The following GRM6 variants were observed in gnomAD, a reference collection of about 807,000 sequenced individuals.
GRM6 encodes the protein glutamate metabotropic receptor 6, also known as metabotropic glutamate receptor 6.
A neutral mutation model predicts 78.4 loss-of-function variants in GRM6; 73 were observed. That is an observed-to-expected ratio of 0.93 (90% CI 0.77 to 1.13). GRM6 has a LOEUF of 1.13. Ranked by LOEUF, GRM6 falls within the 50% of genes most tolerant of loss-of-function variation. The pLI is 0.00. For missense variants in GRM6, 1,251 were observed against 1,256.4 expected (o/e 1.00, Z 0.07); for synonymous variants, 580 against 555.0 (o/e 1.05, Z -0.63).
chr5:178,994,632 C>T lies in GRM6; in HGVS notation c.313G>A (p.Ala105Thr). 1 of 1,456,946 alleles carries T rather than the reference C, an allele frequency of 6.9e-7. No homozygotes were observed. The highest frequency in any genetic ancestry group is 1.5e-5 in the African/African-American group (1 of 67,940). 90.3% of individuals were successfully genotyped at this position (1,456,946 alleles called of 1,614,324 possible). ...LLDTCSRDTY[A>T]LEQALSFVQA... ...ACGAAGCTCAGCGCCTGCTCCAGCG[C>T]GTAGGTGTCCCGCGAGCAGGTGTCC... The change falls in exon 2 of 11, where the codon GCG becomes ACG. Residue 105 changes from alanine to threonine, a missense_variant. By Grantham distance (58) the Ala-to-Thr change is moderately conservative. Transcript: ENST00000517717.
intron 4 of GRM6, among the ~76,000 whole-genome samples, 197 bp from the exon 5 acceptor site, chr5:178,990,943 G>T (rs548128847): frequency 1.1e-4 from 17 of 152,274 alleles, no homozygotes; most frequent in Admixed American, 1.0e-3. Flanking sequence ...CACTTGCTCT[G>T]CCCACTGTAA....
rs1760438450 is a variant in GRM6 at position 178,983,142 on chromosome 5, G to A, written c.2204C>T (p.Pro735Leu). 6.2e-7 allele frequency: 1 copy of A among 1,613,864 alleles called. No individual in the cohort carries two copies. Among genetic ancestry groups the A allele is most frequent in the Non-Finnish European group, 8.5e-7 (1 of 1,179,964 alleles). Residue 735 changes from proline (P) to leucine (L), a missense_variant, in exon 10 of 11, where the codon CCC becomes CTC. Pro to Leu is a moderately conservative substitution (Grantham distance 98). Transcript: ENST00000517717. ...IDYEEQRTVD[P>L]EQARGVLKCD... Reference sequence around the variant, plus strand: ...CTTGAGCACCCCTCTGGCCTGCTCGGGGTCCACCGTCCGCTGTTCCTCATA... The same window carrying A: ...CTTGAGCACCCCTCTGGCCTGCTCGAGGTCCACCGTCCGCTGTTCCTCATA...
rs749461820 is a variant in GRM6 at position 178,990,640 on chromosome 5, C to T, written c.964G>A (p.Val322Met). ...KTSPILSLED[V>M]AVGAITILPK... ...AGGATGGTGATGGCCCCAACGGCCA[C>T]GTCCTCCAGGCTCAAGATGGGTGAG... is the stretch of plus-strand genomic sequence containing the variant. Residue 322 changes from valine to methionine, a missense_variant, in exon 5 of 11, where the codon GTG becomes ATG. Transcript: ENST00000517717. 42 of 1,612,386 alleles carry T rather than the reference C, an allele frequency of 2.6e-5. No homozygotes were observed. The highest frequency in any genetic ancestry group is 2.0e-4 in the South Asian group (18 of 90,748).
At chr5:178,984,616 G>A (rs1760472390) in intron 9 of GRM6, among the ~76,000 whole-genome samples, 1 of 152,140 alleles carries the variant, frequency 6.6e-6, no homozygotes, top group Non-Finnish European at 1.5e-5. Flanking sequence ...GAGGGTGGGG[G>A]AGCAGGAGCA....
intron 9 of GRM6, chr5:178,985,689 C>A (rs578055233): frequency 1.6e-5 from 6 of 386,260 alleles, no homozygotes; most frequent in South Asian, 3.6e-5. Flanking sequence ...GGCGACACAG[C>A]GAGACTCTGT....
At chr5:178,983,974 A>G (rs1049407679) in intron 9 of GRM6, among the ~76,000 whole-genome samples, 6 of 152,220 alleles carry the variant, frequency 3.9e-5, no homozygotes, top group Admixed American at 3.3e-4. Flanking sequence ...CATGCCGAGC[A>G]CCTGGAGCAG....
chr5:178,994,183 G>C (rs570036127), intron 2 of GRM6, among the ~76,000 whole-genome samples: 3 of 152,322 alleles, frequency 2.0e-5, no homozygotes, highest in Admixed American at 2.0e-4. Context: ...CCAGCCAACC[G>C]GCCAGAGGCG....
intron 5 of GRM6, 144 bp from the exon 6 acceptor site, chr5:178,989,549 G>C: frequency 1.9e-6 from 2 of 1,028,612 alleles, no homozygotes; most frequent in African/African-American, 1.6e-5. Context: ...GGCCAGGTGA[G>C]CTAGGAGTGG....
chr5:178,985,715 C>T (rs11950921), intron 9 of GRM6: 1 of 383,942 alleles, frequency 2.6e-6, no homozygotes, highest in South Asian at 1.9e-5. Flanking sequence ...AAAAAAAAAA[C>T]AAAACAACAC....
rs1331883642 is a variant in GRM6 at position 178,994,467 on chromosome 5, C to T, written c.478G>A (p.Val160Ile). The change falls in exon 2 of 11, where the codon GTC becomes ATC. Residue 160 changes from valine (V) to isoleucine (I), a missense_variant. Coordinates refer to ENST00000517717, the MANE Select transcript of GRM6 (RefSeq NM_000843.4). ...GCAAACAGGCGCAGCACGTTGGCGA[C>T]CATGATGGAGACGGAGCTGGCCGAG... Reference protein sequence around the residue: ...GASASSVSIMVANVLRLFAIP... With the variant: ...GASASSVSIMIANVLRLFAIP... The T allele has an allele frequency of 6.7e-7, 1 of 1,486,644 alleles. No individual in the cohort carries two copies. Among genetic ancestry groups the T allele is most frequent in the East Asian group, 2.9e-5 (1 of 34,696 alleles). The allele number at this position is 1,486,644 out of a possible 1,614,324, so 92.1% of individuals were successfully genotyped here.
In GRM6 at chr5:178,991,156, T is replaced by C. The variant is rs138304513; in HGVS notation, c.857+268A>G. The stretch of plus-strand genomic sequence containing the variant: ...ACAGCTCATTTTCTGCACTAGGTTC[T>C]GCCCACAGGTCCCTCCCCGCACCCC... On this transcript the variant is annotated intron_variant, in intron 4 of 10. Coordinates refer to ENST00000517717, the MANE Select transcript of GRM6 (RefSeq NM_000843.4). This position sits in a 1 kb window ranked among gnomAD's most constrained non-coding sequence, Gnocchi z 5.0. 2.4e-3 allele frequency among the ~76,000 whole-genome samples: 373 copies of C among 152,248 alleles called. 2 individuals carry two copies. Among genetic ancestry groups the C allele is most frequent in the African/African-American group, 8.5e-3 (355 of 41,552 alleles).
At chr5:178,985,034 C>A (rs1352619326) in intron 9 of GRM6, among the ~76,000 whole-genome samples, 2 of 152,116 alleles carry the variant, frequency 1.3e-5, no homozygotes, top group Non-Finnish European at 2.9e-5. Context: ...GAAAATCCCC[C>A]AAAGGAGCTC....
Position 178,991,733 on chromosome 5 carries a change from C to T in GRM6, c.721+134G>A. ...AGTCGTCCAAAACAAAGAGGTCCCG[C>T]CCACATGGAGCACCAGCCAGGCAAC... On this transcript the variant is annotated intron_variant, in intron 3 of 10. Coordinates refer to ENST00000517717, the MANE Select transcript of GRM6 (RefSeq NM_000843.4). This position sits in a 1 kb window ranked among gnomAD's most constrained non-coding sequence, Gnocchi z 5.0. 2.7e-6 allele frequency: 3 copies of T among 1,115,828 alleles called. No individual in the cohort carries two copies. The highest frequency in any genetic ancestry group is 4.0e-6 in the Non-Finnish European group (3 of 744,318). The allele number at this position is 1,115,828 out of a possible 1,614,324, so 69.1% of individuals were successfully genotyped here. A position where few individuals can be genotyped will look rare whatever the true frequency, so the allele number is the denominator to read the frequency against.
At chr5:178,985,723 C>T in intron 9 of GRM6, 1 of 378,930 alleles carries the variant, frequency 2.6e-6, no homozygotes, top group South Asian at 1.9e-5. Flanking sequence ...AACAAAACAA[C>T]ACAGGAACCA....
intron 9 of GRM6, chr5:178,985,125 C>T (rs1207929716): frequency 1.5e-5 from 5 of 327,026 alleles, no homozygotes; most frequent in African/African-American, 8.9e-5. Context: ...GGACCCTGTG[C>T]CTCTCATCCA....
At position 178,981,588 on chromosome 5, in the gene GRM6, T is replaced by C. The variant is rs1476502254; in HGVS notation, c.*69A>G. 16 of 1,261,552 alleles carry C rather than the reference T, an allele frequency of 1.3e-5. No individual in the cohort carries two copies. Among genetic ancestry groups the C allele is most frequent in the South Asian group, 3.7e-5 (3 of 80,718 alleles). 78.1% of individuals were successfully genotyped at this position (1,261,552 alleles called of 1,614,324 possible). ...CTGTTCACCGTGGACCCGGGCTCTA[T>C]ACAGCTTCCACCTCGAGGCAAGAGG... On this transcript the variant is annotated 3_prime_UTR_variant, in exon 11 of 11. Transcript: ENST00000517717. The surrounding 1 kb of genome is among the most constrained non-coding windows in gnomAD (Gnocchi z 5.1).
In GRM6 at chr5:178,988,878, CA is replaced by C; in HGVS notation, c.1354+56del. On this transcript the variant is annotated intron_variant, in intron 7 of 10. Coordinates refer to ENST00000517717, the MANE Select transcript of GRM6 (RefSeq NM_000843.4). The surrounding 1 kb of genome is among the most constrained non-coding windows in gnomAD (Gnocchi z 6.0). ...CCTGAGGTTGTCCCAGGCCTCACAG[CA>C]AAATCCAGCCCCCCAGCTGTCCTTC... The C allele has an allele frequency of 6.8e-7, 1 of 1,464,944 alleles. No individual in the cohort carries two copies. Among genetic ancestry groups the C allele is most frequent in the Non-Finnish European group, 9.5e-7 (1 of 1,054,532 alleles). 90.7% of individuals were successfully genotyped at this position (1,464,944 alleles called of 1,614,324 possible).
chr5:178,991,622 C>A lies in GRM6; in HGVS notation c.722-63G>T, dbSNP rs753755680. 1.0e-5 allele frequency: 16 copies of A among 1,575,694 alleles called. No homozygotes were observed. The highest frequency in any genetic ancestry group is 1.4e-5 in the Non-Finnish European group (16 of 1,146,480). ...CCCACCCACACACCCACCTGGCCAC[C>A]GCTGCAGAGGACTGTGTAGGCTGGC... On this transcript the variant is annotated intron_variant, in intron 3 of 10. Transcript: ENST00000517717. The surrounding 1 kb of genome is among the most constrained non-coding windows in gnomAD (Gnocchi z 5.0).
At chr5:178,983,606 G>A (rs115747236) in intron 9 of GRM6, 13,470 of 393,424 alleles carry the variant, frequency 0.034, 369 homozygotes, top group South Asian at 0.081. Context: ...CTGGAACTGA[G>A]GCCCTACTCG....
Sources: allele counts gnomAD v4.1 joint callset (sites outside exome capture counted in the v4.1 genomes callset), GRCh38; gene constraint gnomAD v4.1.1; non-coding constraint Gnocchi (gnomAD v3.1); transcripts MANE v1.5; gene names NCBI Gene and HGNC (gene_info 2026-07-23, HGNC 2026-07-21).